The following ZNF18 variants were observed in gnomAD, a reference collection of about 807,000 sequenced individuals.
The protein encoded by ZNF18 is zinc finger protein 18, also known as heart development-specific gene 1 protein.
In ZNF18, 42 loss-of-function variants were observed where a neutral mutation model predicts 58.1. The ratio of observed to expected loss-of-function variants is 0.72; its 90% CI spans 0.56 to 0.93. The LOEUF (loss-of-function observed/expected upper bound fraction) is 0.93. ZNF18 is among the 40% of genes least tolerant of loss of function. The pLI, the probability that ZNF18 is intolerant of heterozygous loss-of-function variation, is 0.00. For synonymous variants in ZNF18, 231 were observed against 239.8 expected, an observed-to-expected ratio of 0.96 and a Z score of 0.34; for missense variants, 540 against 644.2, an observed-to-expected ratio of 0.84 and a Z score of 1.75.
the ZNF18 span, among the ~76,000 whole-genome samples, chr17:12,003,130 T>C: frequency 6.6e-6 from 1 of 152,034 alleles, no homozygotes; most frequent in African/African-American, 2.4e-5. Context: ...ATACATCACG[T>C]TTTATGTGGG....
the ZNF18 span, among the ~76,000 whole-genome samples, chr17:12,003,539 T>G: frequency 1.3e-5 from 2 of 152,100 alleles, no homozygotes; most frequent in Non-Finnish European, 2.9e-5. Context: ...GAAGCCTGGA[T>G]TAGCCCTAAA....
At chr17:12,015,456 G>A in the ZNF18 span, among the ~76,000 whole-genome samples, 1 of 152,122 alleles carries the variant, frequency 6.6e-6, no homozygotes, top group East Asian at 1.9e-4. Flanking sequence ...TACAGTACTT[G>A]GTTTGTTATT....
chr17:11,995,720 T>C (rs1255907942), intron 1 of ZNF18: 1 of 148,562 alleles, frequency 6.7e-6, no homozygotes, highest in Non-Finnish European at 1.5e-5. Flanking sequence ...AGTCAAAAAA[T>C]CTGAACACTA....
chr17:12,010,906 C>A, the ZNF18 span: 1 of 536,834 alleles, frequency 1.9e-6, no homozygotes. Context: ...TCACTTGTTT[C>A]AGGAAGCTAT....
At position 11,983,414 on chromosome 17, in the gene ZNF18, A is replaced by G. The variant is rs1206137929; in HGVS notation, c.752-7T>C. ...TTGGGATGGGAAATGCCTGCTATAGAGAGAAAGATGTATGGTGGGCCTGGA... is the reference window on the plus strand; with the variant it reads ...TTGGGATGGGAAATGCCTGCTATAGGGAGAAAGATGTATGGTGGGCCTGGA... On this transcript the variant is annotated splice_region_variant and splice_polypyrimidine_tract_variant and intron_variant, in intron 5 of 6. Transcript: ENST00000580306. 2 of 1,608,872 alleles carry G rather than the reference A, an allele frequency of 1.2e-6. No homozygotes were observed. The highest frequency in any genetic ancestry group is 1.7e-6 in the Non-Finnish European group (2 of 1,175,340).
At chr17:11,996,356 C>T (rs1334358222) in intron 1 of ZNF18, among the ~76,000 whole-genome samples, 1 of 152,090 alleles carries the variant, frequency 6.6e-6, no homozygotes, top group East Asian at 1.9e-4. Flanking sequence ...AAGATACCGA[C>T]CTGTAAACTT....
chr17:12,014,749 T>C, the ZNF18 span, among the ~76,000 whole-genome samples: 80 of 152,206 alleles, frequency 5.3e-4, no homozygotes, highest in African/African-American at 1.8e-3. Context: ...CAACTGTGAA[T>C]GTACAAAAAC....
intron 4 of ZNF18, among the ~76,000 whole-genome samples, chr17:11,988,441 C>T (rs1328517259): frequency 5.9e-5 from 9 of 152,118 alleles, no homozygotes; most frequent in Admixed American, 1.3e-4. Flanking sequence ...TCCTTAGAAT[C>T]GACAGGGTAG....
rs762161028 is a variant in ZNF18, at chr17:11,978,231, G to A, written c.1376C>T (p.Thr459Met). Residue 459 changes from threonine (T) to methionine (M), a missense_variant, in exon 7 of 7, where the codon ACG becomes ATG. Physicochemically the swap from Thr to Met is moderately conservative, Grantham distance 81 (BLOSUM62 -1). Coordinates refer to ENST00000580306, the MANE Select transcript of ZNF18 (RefSeq NM_001303281.2). The stretch of plus-strand genomic sequence containing the variant: ...ATCACATTTACAGGGCTTCTCTCCC[G>A]TGTGAGTTCTCTGATGCTTCACAAA... ...SDFVKHQRTHTGEKPCKCDYC... is the reference protein window; with the variant it reads ...SDFVKHQRTHMGEKPCKCDYC... The A allele has an allele frequency of 1.7e-5, 28 of 1,613,720 alleles. No individual in the cohort carries two copies. The highest frequency in any genetic ancestry group is 9.9e-5 in the South Asian group (9 of 91,056).
intron 6 of ZNF18, among the ~76,000 whole-genome samples, chr17:11,980,587 AT>A (rs1158652450): frequency 6.6e-6 from 1 of 151,914 alleles, no homozygotes; most frequent in African/African-American, 2.4e-5. Context: ...TGCCCAGCTA[AT>A]TTTTGTAGTG....
intron 1 of ZNF18, 120 bp downstream of exon 1, chr17:11,997,311 G>A (rs922978887): frequency 1.3e-5 from 2 of 152,602 alleles, no homozygotes; most frequent in Non-Finnish European, 2.9e-5. Flanking sequence ...GCATGGGCAA[G>A]GGAGCCCGCT....
At position 11,980,779 on chromosome 17, in the gene ZNF18, T is replaced by C. The variant is rs114255960; in HGVS notation, c.863-2035A>G. Reference sequence around the variant, plus strand: ...TTTCTAGGCTCCCTTTTCTGTTCTATTGATCTGTGCATCTATTTTTATATC... The same window carrying C: ...TTTCTAGGCTCCCTTTTCTGTTCTACTGATCTGTGCATCTATTTTTATATC... On this transcript the variant is annotated intron_variant, in intron 6 of 6. Coordinates refer to ENST00000580306, the MANE Select transcript of ZNF18 (RefSeq NM_001303281.2). 6.5e-3 allele frequency among the ~76,000 whole-genome samples: 992 copies of C among 152,308 alleles called. 16 individuals carry two copies. The highest frequency in any genetic ancestry group is 0.023 in the African/African-American group (946 of 41,556).
chr17:12,020,787 G>A, the ZNF18 span: 3 of 483,284 alleles, frequency 6.2e-6, no homozygotes, highest in Non-Finnish European at 9.6e-6. Flanking sequence ...TGTCGGAGGC[G>A]GGGCCAAGGC....
At chr17:11,997,060 C>G (rs1212626464) in intron 1 of ZNF18, 1 of 152,432 alleles carries the variant, frequency 6.6e-6, no homozygotes, top group East Asian at 1.9e-4. Flanking sequence ...GAGGGAGAGA[C>G]TCCAGGCATC....
At chr17:12,020,224 TATGCTTCTCA>T in the ZNF18 span, among the ~76,000 whole-genome samples, 1 of 152,204 alleles carries the variant, frequency 6.6e-6, no homozygotes, top group East Asian at 1.9e-4. Context: ...TGCTTAAATA[TATGCTTCTCA>T]AATTTAATGG....
intron 6 of ZNF18, among the ~76,000 whole-genome samples, chr17:11,982,865 G>C (rs1017109556): frequency 6.6e-6 from 1 of 152,010 alleles, no homozygotes; most frequent in African/African-American, 2.4e-5. Flanking sequence ...GAAGTGTTAG[G>C]TGCATAGGGA....
chr17:12,012,980 T>C, the ZNF18 span, among the ~76,000 whole-genome samples: 1 of 150,284 alleles, frequency 6.7e-6, no homozygotes, highest in African/African-American at 2.5e-5. Flanking sequence ...TGAGACAGAG[T>C]CTTGATCTGT....
At chr17:11,980,102 G>C (rs921870804) in intron 6 of ZNF18, among the ~76,000 whole-genome samples, 1 of 152,114 alleles carries the variant, frequency 6.6e-6, no homozygotes, top group African/African-American at 2.4e-5. Context: ...TAAGGCTCTT[G>C]ACACCTACTG....
At chr17:12,012,654 A>G in the ZNF18 span, among the ~76,000 whole-genome samples, 1 of 152,138 alleles carries the variant, frequency 6.6e-6, no homozygotes, top group African/African-American at 2.4e-5. Context: ...GATAACTGAG[A>G]AATTATATCT....
Sources: gnomAD v4.1 joint callset for allele counts (sites outside exome capture counted in the v4.1 genomes callset) on GRCh38, gnomAD v4.1.1 for gene constraint, MANE v1.5 for transcripts, NCBI Gene and HGNC (gene_info 2026-07-23, HGNC 2026-07-21) for gene names.